The following CCDC121 variants were observed in gnomAD, a reference collection of about 807,000 sequenced individuals.
The protein encoded by CCDC121 is coiled-coil domain containing 121.
For missense variants in CCDC121, 238 were observed against 304.1 expected, an observed-to-expected ratio of 0.78 and a Z score of 1.62; for synonymous variants, 108 against 120.0, an observed-to-expected ratio of 0.90 and a Z score of 0.65.
In CCDC121 at chr2:27,627,496, G is replaced by C; in HGVS notation, c.304C>G (p.Arg102Gly). ...ATGTCCCTCATTGCCTGCAACTTCC[G>C]CTTCAAACTGGATTGGATATTTTCC... ...QKENIQSSLK[R>G]KLQAMRDIAI... The change falls in exon 2 of 2, where the codon CGG becomes GGG. Residue 102 changes from arginine to glycine, a missense_variant. Physicochemically the swap from Arg to Gly is moderately radical, Grantham distance 125. Coordinates refer to ENST00000324364, the MANE Select transcript of CCDC121 (RefSeq NM_024584.5). 2 of 1,614,056 alleles carry C rather than the reference G, an allele frequency of 1.2e-6. No individual in the cohort carries two copies. Among genetic ancestry groups the C allele is most frequent in the Non-Finnish European group, 1.7e-6 (2 of 1,180,020 alleles).
rs1246433650 is a variant in CCDC121, at chr2:27,625,760, A to G, written c.*1203T>C. 6.6e-6 allele frequency: 1 copy of G among 152,346 alleles called. No individual in the cohort carries two copies. Among genetic ancestry groups the G allele is most frequent in the Admixed American group, 6.5e-5 (1 of 15,288 alleles). 9.4% of individuals were successfully genotyped at this position (152,346 alleles called of 1,614,324 possible). ...TTGAAGGAGAATGCTTTTTAAATCC[A>G]ATTTTCAGGGAATTCACTTTACATG... On this transcript the variant is annotated 3_prime_UTR_variant, in exon 2 of 2. Coordinates refer to ENST00000324364, the MANE Select transcript of CCDC121 (RefSeq NM_024584.5).
At position 27,625,992 on chromosome 2, in the gene CCDC121, A is replaced by AT. The variant is rs1673270642; in HGVS notation, c.*970_*971insA. On this transcript the variant is annotated 3_prime_UTR_variant, in exon 2 of 2. Coordinates refer to ENST00000324364, the MANE Select transcript of CCDC121 (RefSeq NM_024584.5). ...CCAAAAAAAATATAACTATCCTAAA[A>AT]ATATATAATTTAAAATATAATTTAT... 1 of 151,800 alleles carries AT rather than the reference A, an allele frequency of 6.6e-6. No individual in the cohort carries two copies. The highest frequency in any genetic ancestry group is 1.5e-5 in the Non-Finnish European group (1 of 67,968). 9.4% of individuals were successfully genotyped at this position (151,800 alleles called of 1,614,324 possible). A position where few individuals can be genotyped will look rare whatever the true frequency, so the allele number is the denominator to read the frequency against.
chr2:27,628,563 C>G, intron 1 of CCDC121: 1 of 1,551,568 alleles, frequency 6.4e-7, no homozygotes. Context: ...CAAAGGGTCT[C>G]GGTGCTGCCC....
rs770046967 is a variant in CCDC121, at chr2:27,628,434, G to A, written c.-119+516C>T. The A allele has an allele frequency of 5.8e-5, 90 of 1,551,588 alleles. No homozygotes were observed. The African/African-American group carries it at 1.1e-3, about 20-fold the overall frequency. Reference sequence around the variant, plus strand: ...ATTCATCCTGAAGGTCACGGCAACTGTGTAGTTCACTGAGGGTGACTGCCA... The same window carrying A: ...ATTCATCCTGAAGGTCACGGCAACTATGTAGTTCACTGAGGGTGACTGCCA... On this transcript the variant is annotated intron_variant, in intron 1 of 1. Transcript: ENST00000324364.
rs1673406894 is a variant in CCDC121, at chr2:27,628,934, C to A, written c.-119+16G>T. ...CGACGCTAAGAAGATGCCCTGGCAA[C>A]CGCCGCGCCCCTCACCCGCTCCTTT... On this transcript the variant is annotated intron_variant, in intron 1 of 1. Coordinates refer to ENST00000324364, the MANE Select transcript of CCDC121 (RefSeq NM_024584.5). 6.0e-6 allele frequency: 9 copies of A among 1,511,142 alleles called. No individual in the cohort carries two copies. Among genetic ancestry groups the A allele is most frequent in the Non-Finnish European group, 8.0e-6 (9 of 1,130,690 alleles). The allele number at this position is 1,511,142 out of a possible 1,614,324, so 93.6% of individuals were successfully genotyped here.
chr2:27,626,936 C>T lies in CCDC121; in HGVS notation c.*27G>A, dbSNP rs1195296259. 2.0e-6 allele frequency: 3 copies of T among 1,506,894 alleles called. No homozygotes were observed. Among genetic ancestry groups the T allele is most frequent in the Middle Eastern group, 1.8e-4 (1 of 5,702 alleles). 93.3% of individuals were successfully genotyped at this position (1,506,894 alleles called of 1,614,324 possible). ...GCACTTAAGAGTACTTGCTCCAGTT[C>T]TTATTTAATCAGTGTTATTTTAGAA... On this transcript the variant is annotated 3_prime_UTR_variant, in exon 2 of 2. Transcript: ENST00000324364.
In CCDC121 at chr2:27,627,708, A is replaced by C. The variant is rs973371516; in HGVS notation, c.92T>G (p.Leu31Arg). 2.5e-6 allele frequency: 4 copies of C among 1,613,574 alleles called. No individual in the cohort carries two copies. Among genetic ancestry groups the C allele is most frequent in the Non-Finnish European group, 3.4e-6 (4 of 1,179,964 alleles). Residue 31 changes from leucine (L) to arginine (R), a missense_variant, in exon 2 of 2, where the codon CTT becomes CGT. By Grantham distance (102) the Leu-to-Arg change is moderately radical (BLOSUM62 -2). Transcript: ENST00000324364. Reference protein sequence around the residue: ...ESRELHREKLLVQAENRFFLE... With the variant: ...ESRELHREKLRVQAENRFFLE... Reference sequence around the variant, plus strand: ...AAAGAATCTGTTTTCAGCCTGGACAAGTAACTTTTCTCGGTGTAGCTCCCT... The same window carrying C: ...AAAGAATCTGTTTTCAGCCTGGACACGTAACTTTTCTCGGTGTAGCTCCCT...
At chr2:27,628,910 G>C (rs1300158588) in intron 1 of CCDC121, 40 bp downstream of exon 1, 1 of 1,482,434 alleles carries the variant, frequency 6.7e-7, no homozygotes, top group Non-Finnish European at 9.0e-7. Flanking sequence ...AGCCCTGCCC[G>C]ACGCTAAGAA....
chr2:27,627,924 GAACA>G lies in CCDC121; in HGVS notation c.-118-11_-118-8del. 1 of 1,571,616 alleles carries G rather than the reference GAACA, an allele frequency of 6.4e-7. No homozygotes were observed. The highest frequency in any genetic ancestry group is 8.7e-7 in the Non-Finnish European group (1 of 1,142,916). ...TCTGGGGCCCTCAGCAAACCTGAAA[GAACA>G]AACGAGACATTCCTCTGTCAGTTAA... On this transcript the variant is annotated splice_polypyrimidine_tract_variant and splice_region_variant and intron_variant, in intron 1 of 1. Coordinates refer to ENST00000324364, the MANE Select transcript of CCDC121 (RefSeq NM_024584.5).
chr2:27,627,574 C>G lies in CCDC121; in HGVS notation c.226G>C (p.Ala76Pro). Residue 76 changes from alanine (A) to proline (P), a missense_variant, in exon 2 of 2, where the codon GCC (alanine) becomes CCC (proline). Coordinates refer to ENST00000324364, the MANE Select transcript of CCDC121 (RefSeq NM_024584.5). ...GEIERRRQESASRYAEQISVL... is the reference protein window; with the variant it reads ...GEIERRRQESPSRYAEQISVL... Reference sequence around the variant, plus strand: ...GAAATTTGTTCTGCATATCTGGAGGCTGATTCTTGTCTTCTTCGTTCAATC... The same window carrying G: ...GAAATTTGTTCTGCATATCTGGAGGGTGATTCTTGTCTTCTTCGTTCAATC... 1 of 1,614,158 alleles carries G rather than the reference C, an allele frequency of 6.2e-7. No individual in the cohort carries two copies. Among genetic ancestry groups the G allele is most frequent in the Non-Finnish European group, 8.5e-7 (1 of 1,180,018 alleles).
rs1673268384 is a variant in CCDC121 at position 27,625,946 on chromosome 2, C to T, written c.*1017G>A. On this transcript the variant is annotated 3_prime_UTR_variant, in exon 2 of 2. Transcript: ENST00000324364. The stretch of plus-strand genomic sequence containing the variant: ...TTCAGCATTCAAATAAATCACTAGT[C>T]CAACTTCAATGTCGTAGAACCCAAA... 6.6e-6 allele frequency: 1 copy of T among 151,990 alleles called. No homozygotes were observed. The highest frequency in any genetic ancestry group is 1.5e-5 in the Non-Finnish European group (1 of 67,978). 9.4% of individuals were successfully genotyped at this position (151,990 alleles called of 1,614,324 possible).
intron 1 of CCDC121, 89 bp from the exon 2 acceptor site, chr2:27,628,006 T>C: frequency 2.2e-6 from 2 of 895,558 alleles, no homozygotes; most frequent in Non-Finnish European, 3.5e-6. Flanking sequence ...CAAGAGAATA[T>C]TTCTGAGCAC....
chr2:27,626,901 G>A lies in CCDC121; in HGVS notation c.*62C>T, dbSNP rs1452655693. The stretch of plus-strand genomic sequence containing the variant: ...TGGAATCCAACAGCCTTTCTAACCA[G>A]GTTAATGTAGCACTTAAGAGTACTT... On this transcript the variant is annotated 3_prime_UTR_variant, in exon 2 of 2. Transcript: ENST00000324364. 1 of 1,204,936 alleles carries A rather than the reference G, an allele frequency of 8.3e-7. No homozygotes were observed. Among genetic ancestry groups the A allele is most frequent in the Non-Finnish European group, 1.2e-6 (1 of 846,334 alleles). The allele number at this position is 1,204,936 out of a possible 1,614,324, so 74.6% of individuals were successfully genotyped here.
intron 1 of CCDC121, chr2:27,628,369 A>C (rs879579414): frequency 3.3e-6 from 5 of 1,526,820 alleles, no homozygotes; most frequent in Non-Finnish European, 3.5e-6. Context: ...GGAGGGGAGG[A>C]AGCTCCCCTC....
At chr2:27,628,676 T>C in intron 1 of CCDC121, 1 of 1,551,586 alleles carries the variant, frequency 6.4e-7, no homozygotes, top group Non-Finnish European at 8.7e-7. Flanking sequence ...GGTCCTCCAG[T>C]GGCTCCGCTC....
In CCDC121 at chr2:27,628,995, C is replaced by T; in HGVS notation, c.-164G>A. 2 of 1,607,832 alleles carry T rather than the reference C, an allele frequency of 1.2e-6. No homozygotes were observed. The highest frequency in any genetic ancestry group is 1.7e-6 in the Non-Finnish European group (2 of 1,176,718). On this transcript the variant is annotated 5_prime_UTR_variant, in exon 1 of 2. The change abolishes an upstream ATG in the 5' untranslated region. Coordinates refer to ENST00000324364, the MANE Select transcript of CCDC121 (RefSeq NM_024584.5). ...GGTGGTTTTCGTTCGCAGCCCAGAA[C>T]ATTGCGGAAGTTTCTCTACCCATGC...
chr2:27,626,251 G>GT lies in CCDC121; in HGVS notation c.*711dup, dbSNP rs1673276319. On this transcript the variant is annotated 3_prime_UTR_variant, in exon 2 of 2. Coordinates refer to ENST00000324364, the MANE Select transcript of CCDC121 (RefSeq NM_024584.5). ...TTTTGGATACGTTTTCCTGAAATAA[G>GT]TGGAGGCATTCAGTCACCTCAATGC... 6.6e-6 allele frequency: 1 copy of GT among 152,324 alleles called. No individual in the cohort carries two copies. Among genetic ancestry groups the GT allele is most frequent in the African/African-American group, 2.4e-5 (1 of 41,438 alleles). The allele number at this position is 152,324 out of a possible 1,614,324, so 9.4% of individuals were successfully genotyped here.
chr2:27,626,079 T>G lies in CCDC121; in HGVS notation c.*884A>C, dbSNP rs986421584. 6 of 152,296 alleles carry G rather than the reference T, an allele frequency of 3.9e-5. No homozygotes were observed. Among genetic ancestry groups the G allele is most frequent in the African/African-American group, 1.4e-4 (6 of 41,460 alleles). The allele number at this position is 152,296 out of a possible 1,614,324, so 9.4% of individuals were successfully genotyped here. ...TAATTACAAAGGATACTTCATGTAC[T>G]AGAAAGTGCACCTGTAAGAAAATTA... On this transcript the variant is annotated 3_prime_UTR_variant, in exon 2 of 2. Transcript: ENST00000324364.
At position 27,627,065 on chromosome 2, in the gene CCDC121, CT is replaced by C. The variant is rs1673302921; in HGVS notation, c.734del (p.Gln245ArgfsTer11). ...WYLESLIQAR[Q>X]RLQGSHNQCL... ...ACTGATTATGACTTCCTTGCAGTCT[CT>C]GCCTCGCCTGGATTAAGGACTCCAG... On this transcript the variant is annotated frameshift_variant, in exon 2 of 2. Transcript: ENST00000324364. LOFTEE classifies it low-confidence loss of function (END_TRUNC). 1 of 1,611,912 alleles carries C rather than the reference CT, an allele frequency of 6.2e-7. No homozygotes were observed. The highest frequency in any genetic ancestry group is 8.5e-7 in the Non-Finnish European group (1 of 1,178,176).
Sources: gnomAD v4.1 joint callset for allele counts on GRCh38, gnomAD v4.1.1 for gene constraint, MANE v1.5 for transcripts, NCBI Gene and HGNC (gene_info 2026-07-23, HGNC 2026-07-21) for gene names.